Variants in CTNNA3 observed in about 807,000 individuals in gnomAD.
The protein encoded by CTNNA3 is catenin alpha-3.
CTNNA3 carries 76 observed loss-of-function variants against 95.7 expected under a neutral mutation model. That is an observed-to-expected ratio of 0.79 (90% CI 0.66 to 0.96). The LOEUF (loss-of-function observed/expected upper bound fraction) is 0.96, where lower values mean the gene tolerates loss of function less well. Ranked by LOEUF, CTNNA3 falls within the 40% of genes least tolerant of loss-of-function variation. The pLI, the probability that CTNNA3 is intolerant of heterozygous loss-of-function variation, is 0.00. For missense variants in CTNNA3, 1,191 were observed against 1,089.8 expected (o/e 1.09, Z -1.31); for synonymous variants, 431 against 374.4 (o/e 1.15, Z -1.74).
intron 7 of CTNNA3, among the ~76,000 whole-genome samples, chr10:67,033,263 G>A (rs981065725): frequency 6.6e-6 from 1 of 152,132 alleles, no homozygotes; most frequent in African/African-American, 2.4e-5. Flanking sequence ...TGTTATGTGA[G>A]GGTGCTTTCC....
At chr10:66,940,618 A>G (rs923878415) in intron 7 of CTNNA3, among the ~76,000 whole-genome samples, 1 of 152,224 alleles carries the variant, frequency 6.6e-6, no homozygotes, top group Non-Finnish European at 1.5e-5. Flanking sequence ...GAAACCCACA[A>G]ATTATATTTC....
chr10:66,471,702 C>T (rs568580762), intron 11 of CTNNA3, among the ~76,000 whole-genome samples: 19 of 151,596 alleles, frequency 1.3e-4, no homozygotes, highest in African/African-American at 3.6e-4. Flanking sequence ...TCGGCTCCAC[C>T]GTGAAAATGC....
At chr10:66,200,232 A>C in intron 13 of CTNNA3, among the ~76,000 whole-genome samples, 1 of 140,082 alleles carries the variant, frequency 7.1e-6, no homozygotes, top group Non-Finnish European at 1.6e-5. Flanking sequence ...AGGGAAGGTA[A>C]GGGAAGGGAG....
At chr10:66,652,829 T>G (rs1845956110) in intron 9 of CTNNA3, among the ~76,000 whole-genome samples, 1 of 152,048 alleles carries the variant, frequency 6.6e-6, no homozygotes, top group Admixed American at 6.6e-5. Flanking sequence ...GCAGGTATGG[T>G]TGAATATAAG....
intron 10 of CTNNA3, among the ~76,000 whole-genome samples, chr10:66,544,281 C>T (rs1589402184): frequency 6.6e-6 from 1 of 151,970 alleles, no homozygotes; most frequent in East Asian, 1.9e-4. Flanking sequence ...TATAAAATCC[C>T]TTCTCTTCCA....
At chr10:66,773,669 G>C (rs559640432) in intron 8 of CTNNA3, among the ~76,000 whole-genome samples, 1 of 152,236 alleles carries the variant, frequency 6.6e-6, no homozygotes, top group East Asian at 1.9e-4. Context: ...TACTGTTTGT[G>C]GTGGTTTGTT....
intron 5 of CTNNA3, among the ~76,000 whole-genome samples, chr10:67,401,482 G>A (rs1412933798): frequency 6.6e-6 from 1 of 152,100 alleles, no homozygotes. Context: ...CACCCAATGT[G>A]GGGTGCCTGA....
chr10:67,480,884 G>A (rs968859399), intron 5 of CTNNA3, among the ~76,000 whole-genome samples: 5 of 152,096 alleles, frequency 3.3e-5, no homozygotes, highest in African/African-American at 1.2e-4. Context: ...ACTGAATCCA[G>A]TAGCACATCA....
At chr10:67,405,128 A>G (rs570442015) in intron 5 of CTNNA3, among the ~76,000 whole-genome samples, 110 of 152,340 alleles carry the variant, frequency 7.2e-4, no homozygotes, top group Non-Finnish European at 1.5e-3. Context: ...CAGACCAGTG[A>G]CATTATAAAG....
At chr10:67,527,272 T>G (rs1335234398) in intron 4 of CTNNA3, among the ~76,000 whole-genome samples, 1 of 151,790 alleles carries the variant, frequency 6.6e-6, no homozygotes, top group African/African-American at 2.4e-5. Context: ...TAAGATAAAA[T>G]AAAATAAAAT....
rs529649206 is a variant in CTNNA3 at position 66,893,298 on chromosome 10, G to A, written c.1048-117774C>T. On this transcript the variant is annotated intron_variant, in intron 7 of 17. Coordinates refer to ENST00000433211, the MANE Select transcript of CTNNA3 (RefSeq NM_013266.4). ...TTTTCATTGCTTGCACTGATTAACC[G>A]CTTACATAAAAGAATAACTAAATAA... 1.2e-4 allele frequency among the ~76,000 whole-genome samples: 18 copies of A among 152,054 alleles called. No homozygotes were observed. In the South Asian group the frequency reaches 1.4e-3, roughly 12 times the overall value.
At chr10:66,276,805 ATCT>A (rs772227267) in intron 13 of CTNNA3, among the ~76,000 whole-genome samples, 2 of 151,158 alleles carry the variant, frequency 1.3e-5, no homozygotes, top group Non-Finnish European at 3.0e-5. Context: ...AGTAGTAGCT[ATCT>A]TCTTATTATA....
chr10:67,345,205 A>G (rs1363605914), intron 5 of CTNNA3, among the ~76,000 whole-genome samples: 1 of 152,092 alleles, frequency 6.6e-6, no homozygotes, highest in African/African-American at 2.4e-5. Flanking sequence ...GTCAGAGAAG[A>G]TGCTTGATAT....
chr10:66,460,799 C>T (rs1589282145), intron 11 of CTNNA3, among the ~76,000 whole-genome samples: 1 of 152,114 alleles, frequency 6.6e-6, no homozygotes, highest in Admixed American at 6.6e-5. Flanking sequence ...TGCATTCTTT[C>T]TTGCTTTATT....
intron 13 of CTNNA3, among the ~76,000 whole-genome samples, chr10:66,173,984 C>T (rs1344836479): frequency 1.3e-5 from 2 of 152,062 alleles, no homozygotes; most frequent in South Asian, 2.1e-4. Context: ...CTTCAAAATC[C>T]GTGTCCCTAG....
intron 1 of CTNNA3, among the ~76,000 whole-genome samples, chr10:67,724,038 T>TA (rs1841194591): frequency 6.6e-6 from 1 of 152,156 alleles, no homozygotes; most frequent in Non-Finnish European, 1.5e-5. Context: ...TCTCAAACAG[T>TA]TCTGAGTAGC....
intron 9 of CTNNA3, among the ~76,000 whole-genome samples, chr10:66,649,254 GT>G (rs1845813778): frequency 6.6e-6 from 1 of 152,092 alleles, no homozygotes; most frequent in African/African-American, 2.4e-5. Flanking sequence ...ATTAGAAAAG[GT>G]TTATAAAGAT....
chr10:67,501,842 G>A (rs1470945795), intron 5 of CTNNA3, among the ~76,000 whole-genome samples: 1 of 151,910 alleles, frequency 6.6e-6, no homozygotes, highest in Non-Finnish European at 1.5e-5. Context: ...CTCTAAACTG[G>A]TTATTCTAGT....
At chr10:66,074,165 G>A (rs1269618736) in intron 14 of CTNNA3, among the ~76,000 whole-genome samples, 3 of 151,626 alleles carry the variant, frequency 2.0e-5, no homozygotes, top group Non-Finnish European at 4.4e-5. Flanking sequence ...CTATTCTGTT[G>A]CATGTAGTTA....
Sources: gnomAD v4.1 joint callset for allele counts (sites outside exome capture counted in the v4.1 genomes callset) on GRCh38, gnomAD v4.1.1 for gene constraint, MANE v1.5 for transcripts, NCBI Gene and HGNC (gene_info 2026-07-23, HGNC 2026-07-21) for gene names.